Variants in CAMK4 observed in about 807,000 individuals in gnomAD.
CAMK4 encodes calcium/calmodulin dependent protein kinase IV.
A neutral mutation model predicts 44.9 loss-of-function variants in CAMK4; 22 were observed. The ratio of observed to expected loss-of-function variants is 0.49; its 90% CI spans 0.35 to 0.70. The LOEUF (loss-of-function observed/expected upper bound fraction) is 0.70. Among genes scored for constraint, CAMK4 ranks in the 30% least tolerant of loss-of-function variants. The probability of loss-of-function intolerance (pLI) is 0.01; values close to 1 mark genes in which losing one functional copy is unlikely to be tolerated. For missense variants in CAMK4, 498 were observed against 586.8 expected (o/e 0.85, Z 1.56); for synonymous variants, 218 against 215.4 (o/e 1.01, Z -0.11).
chr5:111,347,897 A>G (rs1749934197), intron 2 of CAMK4, among the ~76,000 whole-genome samples: 1 of 152,074 alleles, frequency 6.6e-6, no homozygotes, highest in Non-Finnish European at 1.5e-5. Context: ...AAAATATTCC[A>G]TTCAATATTT....
intron 6 of CAMK4, among the ~76,000 whole-genome samples, chr5:111,448,306 A>G (rs1409319586): frequency 1.3e-5 from 2 of 152,236 alleles, no homozygotes; most frequent in Non-Finnish European, 2.9e-5. Flanking sequence ...TGGAGACTGA[A>G]TGTATTTTCA....
intron 4 of CAMK4, among the ~76,000 whole-genome samples, chr5:111,378,686 T>C (rs1239654448): frequency 1.3e-5 from 2 of 152,192 alleles, no homozygotes; most frequent in African/African-American, 2.4e-5. Context: ...CTGAAGGAAG[T>C]AAGCATCAGT....
intron 1 of CAMK4, among the ~76,000 whole-genome samples, chr5:111,272,095 G>GTGTGTGTGTGTT (rs202045577): frequency 1.3e-5 from 2 of 151,484 alleles, no homozygotes; most frequent in Non-Finnish European, 2.9e-5. Flanking sequence ...ACAGCCCTCT[G>GTGTGTGTGTGTT]TGTGTGTGTG....
upstream of CAMK4, chr5:111,224,341 G>T (rs111991449): frequency 3.3e-6 from 4 of 1,204,272 alleles, no homozygotes; most frequent in African/African-American, 4.8e-5. The surrounding 1 kb of genome is among the most constrained non-coding windows in gnomAD (Gnocchi z 5.7). Context: ...CTGCGAGCGC[G>T]GGCGGCGGCG....
chr5:111,401,478 G>A (rs1752223686), intron 5 of CAMK4, among the ~76,000 whole-genome samples: 1 of 151,944 alleles, frequency 6.6e-6, no homozygotes, highest in Non-Finnish European at 1.5e-5. Flanking sequence ...GTGGTGAAGA[G>A]TTACAACCAG....
chr5:111,259,719 C>G (rs1269789379), intron 1 of CAMK4, among the ~76,000 whole-genome samples: 1 of 152,112 alleles, frequency 6.6e-6, no homozygotes, highest in African/African-American at 2.4e-5. Context: ...ACAAAAAGTT[C>G]CCCTGTATAA....
At chr5:111,318,495 G>A (rs1429201924) in intron 1 of CAMK4, among the ~76,000 whole-genome samples, 2 of 152,258 alleles carry the variant, frequency 1.3e-5, no homozygotes, top group East Asian at 3.9e-4. Context: ...ATCTAAGCGG[G>A]AGTGAAAGAA....
At chr5:111,364,575 T>A (rs1001851127) in intron 2 of CAMK4, among the ~76,000 whole-genome samples, 2 of 152,136 alleles carry the variant, frequency 1.3e-5, no homozygotes, top group African/African-American at 4.8e-5. Flanking sequence ...TGCTGCTCTG[T>A]TCTGAATCTA....
chr5:111,359,922 A>G (rs770725536), intron 2 of CAMK4, among the ~76,000 whole-genome samples: 33 of 152,092 alleles, frequency 2.2e-4, no homozygotes, highest in Non-Finnish European at 3.8e-4. Context: ...TAAACTGTAT[A>G]TGATACCTTT....
rs145723041 is a variant in CAMK4, at chr5:111,312,002, A to G, written c.162-32022A>G. On this transcript the variant is annotated intron_variant, in intron 1 of 10. Coordinates refer to ENST00000282356, the MANE Select transcript of CAMK4 (RefSeq NM_001744.6). ...TTTTAGAAAAGTCAAAGATCTAAAA[A>G]TATGAGATAGAGTTTCATCCTAGAA... Among the ~76,000 whole-genome samples the G allele has an allele frequency of 3.3e-3, 496 of 152,352 alleles. 4 individuals are homozygous for G. Among genetic ancestry groups the G allele is most frequent in the Admixed American group, 5.3e-3 (81 of 15,302 alleles).
At chr5:111,457,250 C>T (rs1345436035) in intron 7 of CAMK4, among the ~76,000 whole-genome samples, 1 of 152,160 alleles carries the variant, frequency 6.6e-6, no homozygotes, top group Admixed American at 6.5e-5. Context: ...ATAATCTTCT[C>T]TTCCTCACAC....
At chr5:111,291,696 G>GAGCA (rs1401816038) in intron 1 of CAMK4, among the ~76,000 whole-genome samples, 1 of 151,940 alleles carries the variant, frequency 6.6e-6, no homozygotes, top group Non-Finnish European at 1.5e-5. Context: ...TTTTTTTGTG[G>GAGCA]AGATGGGGTC....
chr5:111,481,086 C>G (rs752290082), intron 9 of CAMK4, among the ~76,000 whole-genome samples: 2 of 152,034 alleles, frequency 1.3e-5, no homozygotes, highest in African/African-American at 2.4e-5. Context: ...CAGAAAGTTT[C>G]CTAATAATTC....
In CAMK4 at chr5:111,449,522, A is replaced by G. The variant is rs915969114; in HGVS notation, c.625+319A>G. The G allele has an allele frequency of 2.0e-4, 37 of 181,062 alleles. No individual in the cohort carries two copies. In the Admixed American group the frequency reaches 2.1e-3, roughly 10 times the overall value. 11.2% of individuals were successfully genotyped at this position (181,062 alleles called of 1,614,324 possible). ...ATCGTTTATAGTTGGAATTAAATCC[A>G]TGGGCCCTTTGTCACTTTTCTTTGC... is the stretch of plus-strand genomic sequence containing the variant. On this transcript the variant is annotated intron_variant, in intron 7 of 10. Coordinates refer to ENST00000282356, the MANE Select transcript of CAMK4 (RefSeq NM_001744.6).
In CAMK4 at chr5:111,267,674, C is replaced by T. The variant is rs887567419; in HGVS notation, c.161+43030C>T. On this transcript the variant is annotated intron_variant, in intron 1 of 10. Coordinates refer to ENST00000282356, the MANE Select transcript of CAMK4 (RefSeq NM_001744.6). ...AGCGGAGATCGTGCCACAGCACTCC[C>T]GCCTGGGCGACAGAACGAGACTCCG... 7.5e-5 allele frequency among the ~76,000 whole-genome samples: 11 copies of T among 146,592 alleles called. 1 individual carries two copies. Among genetic ancestry groups the T allele is most frequent in the East Asian group, 4.0e-4 (2 of 5,006 alleles).
chr5:111,416,382 G>A (rs1752815448), intron 5 of CAMK4: 1 of 151,994 alleles, frequency 6.6e-6, no homozygotes, highest in South Asian at 2.1e-4. Context: ...TCTCTATAAT[G>A]AACACATATT....
At chr5:111,298,967 G>C (rs1410971097) in intron 1 of CAMK4, among the ~76,000 whole-genome samples, 1 of 152,236 alleles carries the variant, frequency 6.6e-6, no homozygotes, top group Non-Finnish European at 1.5e-5. Context: ...GGCATCTCTA[G>C]GCTCTGGCCT....
chr5:111,241,955 G>T (rs1395270393), intron 1 of CAMK4, among the ~76,000 whole-genome samples: 1 of 152,178 alleles, frequency 6.6e-6, no homozygotes, highest in Admixed American at 6.5e-5. Flanking sequence ...TGATTTCTGT[G>T]TATGTCTTGT....
In CAMK4 at chr5:111,490,304, A is replaced by T. The variant is rs749426372; in HGVS notation, c.*5838A>T. On this transcript the variant is annotated 3_prime_UTR_variant, in exon 11 of 11. Coordinates refer to ENST00000282356, the MANE Select transcript of CAMK4 (RefSeq NM_001744.6). Reference sequence around the variant, plus strand: ...GTAGAGCAGTTCATCTGTTTTGTAAAGGTACAGTTAAGCATAACTATAGGC... The same window carrying T: ...GTAGAGCAGTTCATCTGTTTTGTAATGGTACAGTTAAGCATAACTATAGGC... 3.9e-5 allele frequency: 6 copies of T among 152,170 alleles called. No individual in the cohort carries two copies. Among genetic ancestry groups the T allele is most frequent in the Non-Finnish European group, 7.3e-5 (5 of 68,032 alleles). 9.4% of individuals were successfully genotyped at this position (152,170 alleles called of 1,614,324 possible). A position where few individuals can be genotyped will look rare whatever the true frequency, so the allele number is the denominator to read the frequency against.
Sources: gnomAD v4.1 joint callset for allele counts (sites outside exome capture counted in the v4.1 genomes callset) on GRCh38, gnomAD v4.1.1 for gene constraint, Gnocchi (gnomAD v3.1) non-coding constraint, MANE v1.5 for transcripts, NCBI Gene and HGNC (gene_info 2026-07-23, HGNC 2026-07-21) for gene names.